The following ARIH1 variants were observed in gnomAD, a reference collection of about 807,000 sequenced individuals.
ARIH1 encodes the protein ariadne RBR E3 ubiquitin protein ligase 1, also known as E3 ubiquitin-protein ligase ARIH1.
A neutral mutation model predicts 85.0 loss-of-function variants in ARIH1; 8 were observed. The observed-to-expected ratio is 0.09, with a 90% CI of 0.06 to 0.17. The LOEUF is 0.17. Among genes scored for constraint, ARIH1 ranks in the 10% least tolerant of loss-of-function variants. The pLI, the probability that ARIH1 is intolerant of heterozygous loss-of-function variation, is 1.00. For missense variants in ARIH1, 311 were observed against 718.1 expected (o/e 0.43, Z 6.48); for synonymous variants, 238 against 253.6 (o/e 0.94, Z 0.59).
intron 1 of ARIH1, among the ~76,000 whole-genome samples, chr15:72,489,247 C>CAAAAAA (rs3028452): frequency 7.1e-5 from 6 of 84,012 alleles, no homozygotes; most frequent in East Asian, 7.5e-4. Context: ...GACCATGTCT[C>CAAAAAA]AAAAAAAAAA....
intron 2 of ARIH1, among the ~76,000 whole-genome samples, chr15:72,538,333 GAC>G (rs2064091855): frequency 6.6e-6 from 1 of 152,252 alleles, no homozygotes; most frequent in South Asian, 2.1e-4. Flanking sequence ...CAGCCTGGGT[GAC>G]AGAGAGAGAC....
At chr15:72,524,071 T>C (rs1238814480) in intron 2 of ARIH1, among the ~76,000 whole-genome samples, 1 of 149,378 alleles carries the variant, frequency 6.7e-6, no homozygotes, top group African/African-American at 2.5e-5. Context: ...CTCAGCCTCC[T>C]GAGTAGCTGG....
At position 72,600,696 on chromosome 15, in the gene ARIH1, T is replaced by A. The variant is rs992587770; in HGVS notation, c.*17404T>A. The stretch of plus-strand genomic sequence containing the variant: ...TAGTATCCAACCTATTATGTTTTTT[T>A]AAAAAGAGATTGTTCTAATTATGTA... On this transcript the variant is annotated 3_prime_UTR_variant, in exon 14 of 14. Coordinates refer to ENST00000379887, the MANE Select transcript of ARIH1 (RefSeq NM_005744.5). 2.6e-5 allele frequency: 4 copies of A among 152,316 alleles called. No individual in the cohort carries two copies. Among genetic ancestry groups the A allele is most frequent in the Non-Finnish European group, 5.9e-5 (4 of 68,018 alleles). 9.4% of individuals were successfully genotyped at this position (152,316 alleles called of 1,614,324 possible). A position where few individuals can be genotyped will look rare whatever the true frequency, so the allele number is the denominator to read the frequency against.
chr15:72,500,758 G>A (rs2063899544), intron 1 of ARIH1, among the ~76,000 whole-genome samples: 1 of 152,104 alleles, frequency 6.6e-6, no homozygotes, highest in Admixed American at 6.6e-5. Flanking sequence ...ATATTATTTA[G>A]CATAAAAGTA....
intron 1 of ARIH1, among the ~76,000 whole-genome samples, chr15:72,481,057 G>A (rs2063814625): frequency 6.6e-6 from 1 of 152,200 alleles, no homozygotes; most frequent in African/African-American, 2.4e-5. Flanking sequence ...GAGGAAGAGG[G>A]TGTACAAGCC....
In ARIH1 at chr15:72,561,618, T is replaced by C. The variant is rs553770369; in HGVS notation, c.804+69T>C. 3.6e-4 allele frequency: 333 copies of C among 926,214 alleles called. 7 individuals carry two copies. The South Asian group carries it at 5.4e-3, about 15-fold the overall frequency. The allele number at this position is 926,214 out of a possible 1,614,324, so 57.4% of individuals were successfully genotyped here. ...TTAATAGAAATACTATTTTAAAAAT[T>C]ATAATTTATTGACAGTAAAAAACAT... On this transcript the variant is annotated intron_variant, in intron 6 of 13. Coordinates refer to ENST00000379887, the MANE Select transcript of ARIH1 (RefSeq NM_005744.5).
intron 10 of ARIH1, among the ~76,000 whole-genome samples, chr15:72,570,613 T>G (rs2064239410): frequency 6.6e-6 from 1 of 152,162 alleles, no homozygotes; most frequent in Non-Finnish European, 1.5e-5. Flanking sequence ...AATACATGAC[T>G]TTTTCAGAGA....
rs1555490796 is a variant in ARIH1 at position 72,594,752 on chromosome 15, CA to C, written c.*11462del. ...TAGAGTTTTATATTAAATAGATACA[CA>C]ACAGTGTAGTCTGCAAATAATGTTT... On this transcript the variant is annotated 3_prime_UTR_variant, in exon 14 of 14. Transcript: ENST00000379887. 2 of 149,304 alleles carry C rather than the reference CA, an allele frequency of 1.3e-5. No individual in the cohort carries two copies. Among genetic ancestry groups the C allele is most frequent in the Non-Finnish European group, 3.0e-5 (2 of 67,584 alleles). 9.2% of individuals were successfully genotyped at this position (149,304 alleles called of 1,614,324 possible). A position where few individuals can be genotyped will look rare whatever the true frequency, so the allele number is the denominator to read the frequency against.
chr15:72,577,365 T>C (rs2140438816), intron 11 of ARIH1, among the ~76,000 whole-genome samples: 1 of 152,270 alleles, frequency 6.6e-6, no homozygotes, highest in African/African-American at 2.4e-5. Flanking sequence ...AAAATGTGTT[T>C]ACTTTTTATT....
intron 1 of ARIH1, among the ~76,000 whole-genome samples, chr15:72,502,585 G>T (rs560134741): frequency 6.6e-6 from 1 of 152,180 alleles, no homozygotes; most frequent in South Asian, 2.1e-4. Flanking sequence ...CAGGCTGATT[G>T]CTTCAGCCCA....
At chr15:72,496,998 G>C (rs990630301) in intron 1 of ARIH1, 5 of 312,694 alleles carry the variant, frequency 1.6e-5, no homozygotes, top group Non-Finnish European at 2.3e-5. Flanking sequence ...AGTTTGTTTT[G>C]ACATGACAAA....
chr15:72,503,020 A>C (rs2063910038), intron 1 of ARIH1, among the ~76,000 whole-genome samples: 1 of 152,192 alleles, frequency 6.6e-6, no homozygotes, highest in East Asian at 1.9e-4. Flanking sequence ...TTTAAAATGC[A>C]CATACTTTTA....
chr15:72,557,815 A>G (rs2140430336), intron 5 of ARIH1, among the ~76,000 whole-genome samples: 1 of 152,204 alleles, frequency 6.6e-6, no homozygotes, highest in South Asian at 2.1e-4. Flanking sequence ...GCTATTATCG[A>G]TAGGATTGCA....
At chr15:72,559,107 C>T (rs1432081087) in intron 5 of ARIH1, among the ~76,000 whole-genome samples, 1 of 152,164 alleles carries the variant, frequency 6.6e-6, no homozygotes, top group Non-Finnish European at 1.5e-5. Flanking sequence ...CTCATGTCAG[C>T]CCAGCAGAAC....
intron 3 of ARIH1, among the ~76,000 whole-genome samples, chr15:72,554,324 A>G (rs1197802424): frequency 6.6e-6 from 1 of 152,150 alleles, no homozygotes; most frequent in Non-Finnish European, 1.5e-5. Flanking sequence ...ACCATTTTAC[A>G]TTTCCATCAA....
Position 72,514,779 on chromosome 15 carries a change from G to A in ARIH1, c.376-3288G>A, listed in dbSNP as rs538370515. ...CCAGCACTTTGGGAGGCCAAGGTGGGTGGATCATTTGAGGTCAGGAGTTTG... is the reference window on the plus strand; with the variant it reads ...CCAGCACTTTGGGAGGCCAAGGTGGATGGATCATTTGAGGTCAGGAGTTTG... On this transcript the variant is annotated intron_variant, in intron 1 of 13. Transcript: ENST00000379887. 3.9e-5 allele frequency among the ~76,000 whole-genome samples: 6 copies of A among 152,196 alleles called. No homozygotes were observed. The South Asian group carries it at 6.2e-4, about 16-fold the overall frequency.
chr15:72,544,047 T>C (rs1173993914), intron 2 of ARIH1, among the ~76,000 whole-genome samples: 1 of 152,132 alleles, frequency 6.6e-6, no homozygotes, highest in Non-Finnish European at 1.5e-5. Flanking sequence ...CTCTAGGTAG[T>C]ACTTGGCATA....
At chr15:72,549,497 C>T (rs1391424923) in intron 3 of ARIH1, among the ~76,000 whole-genome samples, 2 of 152,138 alleles carry the variant, frequency 1.3e-5, no homozygotes, top group Non-Finnish European at 2.9e-5. Flanking sequence ...CCATCCCGTC[C>T]CCCATTCCTG....
chr15:72,488,867 A>T (rs1426108175), intron 1 of ARIH1, among the ~76,000 whole-genome samples: 1 of 152,210 alleles, frequency 6.6e-6, no homozygotes, highest in African/African-American at 2.4e-5. Context: ...GTCCCTGAAT[A>T]TTCAACCTTT....
Sources: gnomAD v4.1 joint callset for allele counts (sites outside exome capture counted in the v4.1 genomes callset) on GRCh38, gnomAD v4.1.1 for gene constraint, MANE v1.5 for transcripts, NCBI Gene and HGNC (gene_info 2026-07-23, HGNC 2026-07-21) for gene names.